The following DAB1 variants were observed in gnomAD, a reference collection of about 807,000 sequenced individuals.
DAB1 encodes the protein DAB adaptor protein 1, also known as disabled homolog 1.
Under a neutral mutation model 64.6 loss-of-function variants are expected in DAB1, and 15 were observed. The observed-to-expected ratio is 0.23, with a 90% confidence interval of 0.16 to 0.36. The LOEUF is 0.36. Among genes scored for constraint, DAB1 ranks in the 10% least tolerant of loss-of-function variants. The pLI, the probability that DAB1 is intolerant of heterozygous loss-of-function variation, is 1.00. For missense variants in DAB1, 596 were observed against 706.7 expected, an observed-to-expected ratio of 0.84 and a Z score of 1.78; for synonymous variants, 235 against 251.9, an observed-to-expected ratio of 0.93 and a Z score of 0.64.
chr1:57,830,098 G>T (rs1433095282), intron 1 of DAB1, among the ~76,000 whole-genome samples: 2 of 152,108 alleles, frequency 1.3e-5, no homozygotes, highest in Non-Finnish European at 2.9e-5. Flanking sequence ...CTGAGGCTAG[G>T]GAGAGGAATT....
At chr1:58,495,370 G>A (rs1351859001) in intron 3 of DAB1, among the ~76,000 whole-genome samples, 1 of 152,024 alleles carries the variant, frequency 6.6e-6, no homozygotes, top group East Asian at 1.9e-4. Flanking sequence ...GTATATATAT[G>A]TAACACACCT....
chr1:57,481,096 C>T (rs1644013489), intron 7 of DAB1, among the ~76,000 whole-genome samples: 1 of 152,138 alleles, frequency 6.6e-6, no homozygotes, highest in Non-Finnish European at 1.5e-5. Flanking sequence ...AGATTAGTGG[C>T]TCCCTAGTTT....
At chr1:57,411,076 T>C (rs1396005673) in intron 1 of DAB1, among the ~76,000 whole-genome samples, 1 of 152,186 alleles carries the variant, frequency 6.6e-6, no homozygotes, top group African/African-American at 2.4e-5. Context: ...GCACAAGGGA[T>C]ACCAGAGAGA....
At chr1:57,234,904 C>A (rs889019505) in intron 2 of DAB1, among the ~76,000 whole-genome samples, 1 of 152,208 alleles carries the variant, frequency 6.6e-6, no homozygotes, top group African/African-American at 2.4e-5. Flanking sequence ...TTCAAACCAG[C>A]AACAGCACAT....
At position 57,439,643 on chromosome 1, in the gene DAB1, G is replaced by T. The variant is rs189023922; in HGVS notation, n.626-148477C>A. On this transcript the variant is annotated intron_variant and non_coding_transcript_variant, in intron 7 of 20. Transcript: ENST00000485760. ...CGGGGTTCACCATGTTAGCCAGGAT[G>T]GTCTTGATCTTCTGACCTCATGATC... is the stretch of plus-strand genomic sequence containing the variant. Among the ~76,000 whole-genome samples the T allele has an allele frequency of 4.1e-5, 5 of 121,816 alleles. 1 individual carries two copies. The highest frequency in any genetic ancestry group is 8.5e-5 in the Non-Finnish European group (5 of 58,980). The allele number at this position is 121,816 out of a possible 152,430, so 79.9% of individuals were successfully genotyped here.
intron 5 of DAB1, among the ~76,000 whole-genome samples, chr1:57,904,824 G>T (rs1364705166): frequency 6.6e-6 from 1 of 152,166 alleles, no homozygotes; most frequent in Non-Finnish European, 1.5e-5. Flanking sequence ...GGAGTCAAGG[G>T]CTAGGAAATG....
At chr1:57,554,364 T>C (rs560329627) in intron 7 of DAB1, among the ~76,000 whole-genome samples, 2 of 152,328 alleles carry the variant, frequency 1.3e-5, no homozygotes, top group African/African-American at 4.8e-5. Flanking sequence ...GTTACTTACG[T>C]GTAAAGTAGG....
chr1:57,828,174 T>C (rs1652439169), intron 1 of DAB1, among the ~76,000 whole-genome samples: 1 of 152,124 alleles, frequency 6.6e-6, no homozygotes, highest in African/African-American at 2.4e-5. Context: ...CTCGATCTCC[T>C]GACCTTGTGA....
At chr1:57,766,483 C>A (rs1218026146) in intron 6 of DAB1, among the ~76,000 whole-genome samples, 1 of 152,080 alleles carries the variant, frequency 6.6e-6, no homozygotes, top group African/African-American at 2.4e-5. Context: ...CTCAAACATG[C>A]CAGGCACAAT....
chr1:57,576,123 C>A (rs1003294403), intron 7 of DAB1, among the ~76,000 whole-genome samples: 2 of 151,948 alleles, frequency 1.3e-5, no homozygotes, highest in African/African-American at 4.8e-5. Flanking sequence ...AGATTTTGAT[C>A]TTTTATTTTT....
chr1:57,683,167 T>C (rs996893968), intron 6 of DAB1, among the ~76,000 whole-genome samples: 2 of 152,132 alleles, frequency 1.3e-5, no homozygotes, highest in Non-Finnish European at 1.5e-5. Context: ...CTTAGAACAC[T>C]GAGAGGTGTG....
At chr1:57,956,996 T>C (rs1243933918) in intron 5 of DAB1, among the ~76,000 whole-genome samples, 2 of 152,148 alleles carry the variant, frequency 1.3e-5, no homozygotes, top group Non-Finnish European at 2.9e-5. Flanking sequence ...TAAATAAAAC[T>C]GAATGTCATC....
At chr1:57,174,277 A>T (rs2100937072) in intron 2 of DAB1, among the ~76,000 whole-genome samples, 1 of 152,252 alleles carries the variant, frequency 6.6e-6, no homozygotes, top group Admixed American at 6.5e-5. Flanking sequence ...GGGCATTCCA[A>T]TACCAGATAC....
chr1:58,114,214 A>G (rs2797609), intron 5 of DAB1, among the ~76,000 whole-genome samples: 6,110 of 152,224 alleles, frequency 0.04, 174 homozygotes, highest in Admixed American at 0.068. Flanking sequence ...GTGAGCTGAG[A>G]TCAAGCCACT....
chr1:58,056,383 T>C, intron 5 of DAB1: 3 of 1,582,188 alleles, frequency 1.9e-6, no homozygotes, highest in Non-Finnish European at 2.6e-6. Context: ...AATGGCCTTG[T>C]CCTTGGGCAC....
intron 5 of DAB1, among the ~76,000 whole-genome samples, chr1:57,947,436 A>G (rs1183872862): frequency 3.3e-5 from 5 of 152,136 alleles, no homozygotes; most frequent in African/African-American, 1.2e-4. Flanking sequence ...TAACCAGAGC[A>G]CACCTTGTTG....
chr1:58,070,162 G>A (rs1649142471), intron 5 of DAB1, among the ~76,000 whole-genome samples: 1 of 152,172 alleles, frequency 6.6e-6, no homozygotes, highest in Non-Finnish European at 1.5e-5. Flanking sequence ...GAACTGTGAT[G>A]CGGGGAGTGG....
chr1:58,110,264 A>G (rs1651898365), intron 5 of DAB1, among the ~76,000 whole-genome samples: 1 of 152,232 alleles, frequency 6.6e-6, no homozygotes, highest in African/African-American at 2.4e-5. Flanking sequence ...CAAATAAGCA[A>G]AACACAATAC....
intron 3 of DAB1, among the ~76,000 whole-genome samples, chr1:58,478,223 TG>T (rs1362534460): frequency 2.6e-5 from 4 of 152,180 alleles, no homozygotes; most frequent in Non-Finnish European, 5.9e-5. Context: ...CACTCTCTCT[TG>T]CCTGCCACCA....
Sources: gnomAD v4.1 joint callset for allele counts (sites outside exome capture counted in the v4.1 genomes callset) on GRCh38, gnomAD v4.1.1 for gene constraint, MANE v1.5 for transcripts, NCBI Gene and HGNC (gene_info 2026-07-23, HGNC 2026-07-21) for gene names.